The following C3orf22 variants were observed in gnomAD, a reference collection of about 807,000 sequenced individuals.
C3orf22 encodes chromosome 3 open reading frame 22, also known as uncharacterized protein C3orf22.
In C3orf22, 7 loss-of-function variants were observed where a neutral mutation model predicts 10.8. That is an observed-to-expected ratio of 0.65 (90% CI 0.37 to 1.22). The LOEUF is 1.22. Ranked by LOEUF, C3orf22 falls within the 50% of genes most tolerant of loss-of-function variation. The pLI is 0.02. For synonymous variants in C3orf22, 79 were observed against 78.9 expected (o/e 1.00, Z 0.00); for missense variants, 173 against 177.0 (o/e 0.98, Z 0.13).
chr3:126,554,949 G>A (rs752438403), intron 1 of C3orf22, among the ~76,000 whole-genome samples: 14 of 152,182 alleles, frequency 9.2e-5, no homozygotes, highest in South Asian at 4.1e-4. Flanking sequence ...CCCTAGGTCC[G>A]TGCTGTCCGA....
chr3:126,536,212 C>G, intron 4 of C3orf22: 2 of 1,505,268 alleles, frequency 1.3e-6, no homozygotes. Context: ...TGGCCAAACC[C>G]CCAGGTCCAT....
At chr3:126,557,889 G>A (rs1199299486) in intron 1 of C3orf22, among the ~76,000 whole-genome samples, 1 of 152,232 alleles carries the variant, frequency 6.6e-6, no homozygotes. Flanking sequence ...GGTCTTGGTG[G>A]CCTCCGCCCC....
chr3:126,534,871 A>G (rs1936734305), intron 4 of C3orf22, among the ~76,000 whole-genome samples: 1 of 147,768 alleles, frequency 6.8e-6, no homozygotes, highest in Admixed American at 6.7e-5. Flanking sequence ...AGACAGACAC[A>G]CAGACAGCAT....
intron 4 of C3orf22, among the ~76,000 whole-genome samples, chr3:126,540,053 A>G (rs1382000706): frequency 6.7e-6 from 1 of 148,962 alleles, no homozygotes; most frequent in African/African-American, 2.5e-5. Context: ...ACACAGAGAC[A>G]TCATGCACCA....
chr3:126,529,216 G>C (rs1318909148), exon 5 of C3orf22: 2 of 875,432 alleles, frequency 2.3e-6, no homozygotes, highest in Non-Finnish European at 3.3e-6. Context: ...TTCTAGTGTG[G>C]TGTTTCACCC....
chr3:126,557,962 C>T (rs1484296143), intron 1 of C3orf22, among the ~76,000 whole-genome samples: 1 of 96,920 alleles, frequency 1.0e-5, no homozygotes, highest in Non-Finnish European at 2.1e-5. Context: ...CACAGTCCTG[C>T]AGCCACAGCC....
At position 126,536,896 on chromosome 3, in the gene C3orf22, AACAC is replaced by A. The variant is rs10670471; in HGVS notation, c.287-7528_287-7525del. 3.5e-3 allele frequency among the ~76,000 whole-genome samples: 489 copies of A among 140,442 alleles called. 2 individuals carry two copies. Among genetic ancestry groups the A allele is most frequent in the East Asian group, 3.7e-3 (17 of 4,650 alleles). The allele number at this position is 140,442 out of a possible 152,430, so 92.1% of individuals were successfully genotyped here. The stretch of plus-strand genomic sequence containing the variant: ...TCTCTCTTTCTCACACACACACACA[AACAC>A]ACACACACACACACACACACACACC... On this transcript the variant is annotated intron_variant and NMD_transcript_variant, in intron 4 of 5. Coordinates refer to the C3orf22 transcript ENST00000505070.
chr3:126,538,631 C>T lies in C3orf22; in HGVS notation c.287-9259G>A, dbSNP rs539089440. 3.3e-5 allele frequency among the ~76,000 whole-genome samples: 5 copies of T among 152,328 alleles called. No individual in the cohort carries two copies. The South Asian group carries it at 8.3e-4, about 25-fold the overall frequency. ...CCCTGCCACAAGAAATGTGTTGGGT[C>T]ATCTAAAAGCTGAAAGCAGACCTTG... On this transcript the variant is annotated intron_variant and NMD_transcript_variant, in intron 4 of 5. Transcript: ENST00000505070.
At chr3:126,531,031 T>C (rs1235548177) in intron 4 of C3orf22, among the ~76,000 whole-genome samples, 1 of 152,272 alleles carries the variant, frequency 6.6e-6, no homozygotes, top group Non-Finnish European at 1.5e-5. Flanking sequence ...TGGAGGCCAG[T>C]GCAAGGCCCG....
chr3:126,539,404 G>C (rs1176403245), intron 4 of C3orf22, among the ~76,000 whole-genome samples: 1 of 152,056 alleles, frequency 6.6e-6, no homozygotes, highest in South Asian at 2.1e-4. Flanking sequence ...GGCATCAGGA[G>C]CATAGTGTGC....
chr3:126,536,892 CACAA>C lies in C3orf22; in HGVS notation c.287-7524_287-7521del, dbSNP rs1484293289. ...TCTCTCTCTCTTTCTCACACACACACACAAACACACACACACACACACACACACA... is the reference window on the plus strand; with the variant it reads ...TCTCTCTCTCTTTCTCACACACACACACACACACACACACACACACACACA... On this transcript the variant is annotated intron_variant and NMD_transcript_variant, in intron 4 of 5. Coordinates refer to the C3orf22 transcript ENST00000505070. 3.2e-4 allele frequency among the ~76,000 whole-genome samples: 40 copies of C among 123,460 alleles called. No individual in the cohort carries two copies. In the South Asian group the frequency reaches 7.2e-3, roughly 22 times the overall value. 81.0% of individuals were successfully genotyped at this position (123,460 alleles called of 152,430 possible).
chr3:126,537,735 C>A (rs1419046657), intron 4 of C3orf22, among the ~76,000 whole-genome samples: 1 of 150,794 alleles, frequency 6.6e-6, no homozygotes, highest in Non-Finnish European at 1.5e-5. Context: ...AGGCTTAGCA[C>A]CTTGCGGCTG....
intron 4 of C3orf22, among the ~76,000 whole-genome samples, chr3:126,536,890 CACACAA>C (rs1936804847): frequency 1.6e-5 from 2 of 121,834 alleles, no homozygotes; most frequent in South Asian, 4.9e-4. Flanking sequence ...CTCACACACA[CACACAA>C]ACACACACAC....
chr3:126,547,255 A>G (rs969866864), downstream of C3orf22, among the ~76,000 whole-genome samples: 11 of 152,314 alleles, frequency 7.2e-5, no homozygotes, highest in Admixed American at 4.6e-4. Context: ...TCTAAAGTTT[A>G]TGGAGTAGCT....
In C3orf22 at chr3:126,544,339, C is replaced by T. The variant is rs972589206; in HGVS notation, c.286+5198G>A. Reference sequence around the variant, plus strand: ...CCTAACGCTGGGACTTTTCAGCCTCCATAACTGTAAAAAGTAAATTTCTTT... The same window carrying T: ...CCTAACGCTGGGACTTTTCAGCCTCTATAACTGTAAAAAGTAAATTTCTTT... On this transcript the variant is annotated intron_variant and NMD_transcript_variant, in intron 4 of 5. Transcript: ENST00000505070. 2.0e-5 allele frequency among the ~76,000 whole-genome samples: 3 copies of T among 152,218 alleles called. No homozygotes were observed. The East Asian group carries it at 5.8e-4, about 29-fold the overall frequency.
intron 4 of C3orf22, among the ~76,000 whole-genome samples, chr3:126,532,988 A>G (rs1424881583): frequency 6.6e-6 from 1 of 152,220 alleles, no homozygotes; most frequent in Non-Finnish European, 1.5e-5. Flanking sequence ...TTCCTTTGTT[A>G]CCAACTTCTT....
intron 4 of C3orf22, chr3:126,542,719 G>A: frequency 7.9e-7 from 1 of 1,268,900 alleles, no homozygotes; most frequent in Non-Finnish European, 1.0e-6. Context: ...GCGGGCGCAG[G>A]GCACACCTGG....
At chr3:126,553,278 T>C in intron 2 of C3orf22, 24 bp downstream of exon 2, 1 of 1,549,408 alleles carries the variant, frequency 6.5e-7, no homozygotes, top group South Asian at 1.1e-5. Flanking sequence ...AGGGCTTGTC[T>C]CCAGAGGTGT....
intron 1 of C3orf22, among the ~76,000 whole-genome samples, chr3:126,556,949 TAC>T (rs746758837): frequency 1.2e-4 from 17 of 145,916 alleles, no homozygotes; most frequent in Middle Eastern, 4.0e-3. Flanking sequence ...CACACACTCA[TAC>T]ACACAGACAC....
Sources: allele counts gnomAD v4.1 joint callset (sites outside exome capture counted in the v4.1 genomes callset), GRCh38; gene constraint gnomAD v4.1.1; transcripts MANE v1.5; gene names NCBI Gene and HGNC (gene_info 2026-07-23, HGNC 2026-07-21).